The following SLC4A2 variants were observed in gnomAD, a reference collection of about 807,000 sequenced individuals.
SLC4A2 encodes solute carrier family 4 member 2.
SLC4A2 carries 36 observed loss-of-function variants against 115.0 expected under a neutral mutation model. The ratio of observed to expected loss-of-function variants is 0.31; its 90% CI spans 0.24 to 0.41. The LOEUF (loss-of-function observed/expected upper bound fraction) is 0.41, where lower values mean the gene tolerates loss of function less well. SLC4A2 is among the 10% of genes least tolerant of loss of function. The probability of loss-of-function intolerance (pLI) is 1.00; values close to 1 mark genes in which losing one functional copy is unlikely to be tolerated. For missense variants in SLC4A2, 1,252 were observed against 1,705.6 expected (o/e 0.73, Z 4.68); for synonymous variants, 708 against 708.3 (o/e 1.00, Z 0.01).
intron 16 of SLC4A2, 63 bp downstream of exon 16, chr7:151,072,199 T>C (rs1184933747): frequency 1.4e-6 from 2 of 1,455,254 alleles, no homozygotes; most frequent in African/African-American, 2.8e-5. Flanking sequence ...GGAGGGAGTC[T>C]CTTGGTCCCA....
chr7:151,071,465 G>A lies in SLC4A2; in HGVS notation c.2051G>A (p.Gly684Glu). The A allele has an allele frequency of 6.2e-7, 1 of 1,610,922 alleles. No homozygotes were observed. Among genetic ancestry groups the A allele is most frequent in the Non-Finnish European group, 8.5e-7 (1 of 1,179,898 alleles). ...CGGCGGACGGGGCGGCCCTTTGGGG[G>A]GCTGATCCGAGATGTGCGGCGCCGC... ...PLRRTGRPFG[G>E]LIRDVRRRYP... The change falls in exon 14 of 23, where the codon GGG becomes GAG. Residue 684 changes from glycine (G) to glutamate (E), a missense_variant. Around this residue, in one of 14 missense-constraint regions of SLC4A2, gnomAD observed 122 missense variants for 116.8 expected, o/e 1.04. Transcript: ENST00000413384. The surrounding 1 kb of genome is among the most constrained non-coding windows in gnomAD (Gnocchi z 5.5).
intron 8 of SLC4A2, among the ~76,000 whole-genome samples, chr7:151,068,489 A>G (rs1294739963): frequency 6.6e-6 from 1 of 152,028 alleles, no homozygotes; most frequent in Non-Finnish European, 1.5e-5. Flanking sequence ...TAAGCAGCTG[A>G]GGTTCTGTGG....
chr7:151,076,010 C>A lies in SLC4A2; in HGVS notation c.3472-3C>A. On this transcript the variant is annotated splice_polypyrimidine_tract_variant and splice_region_variant and intron_variant, in intron 21 of 22. Coordinates refer to ENST00000413384, the MANE Select transcript of SLC4A2 (RefSeq NM_003040.4). ...GCTGGGCTCACCTGTCTCCGCCCCCCAGGTCCGGACCCTCCGTATGCACCT... is the reference window on the plus strand; with the variant it reads ...GCTGGGCTCACCTGTCTCCGCCCCCAAGGTCCGGACCCTCCGTATGCACCT... 1 of 1,582,266 alleles carries A rather than the reference C, an allele frequency of 6.3e-7. No individual in the cohort carries two copies. Among genetic ancestry groups the A allele is most frequent in the Non-Finnish European group, 8.6e-7 (1 of 1,162,982 alleles).
In SLC4A2 at chr7:151,071,099, G is replaced by A. The variant is rs1422397171; in HGVS notation, c.1777G>A (p.Asp593Asn). ...KQFHEAAYLA[D>N]EREDLLTAIN... ...ATTCCACGAGGCAGCCTACCTGGCT[G>A]ACGAGCGGGAGGACCTGCTGACGGC... The change falls in exon 13 of 23, where the codon GAC becomes AAC. Residue 593 changes from aspartate to asparagine, a missense_variant. Coordinates refer to ENST00000413384, the MANE Select transcript of SLC4A2 (RefSeq NM_003040.4). The surrounding 1 kb of genome is among the most constrained non-coding windows in gnomAD (Gnocchi z 5.5). 3.1e-6 allele frequency: 5 copies of A among 1,612,500 alleles called. No homozygotes were observed. The Admixed American group carries it at 8.3e-5, about 27-fold the overall frequency.
At chr7:151,067,319 C>T (rs2150371015) in intron 7 of SLC4A2, among the ~76,000 whole-genome samples, 2 of 152,312 alleles carry the variant, frequency 1.3e-5, no homozygotes, top group Admixed American at 1.3e-4. Flanking sequence ...CTCCTAGCCT[C>T]TAGGAATCCG....
intron 2 of SLC4A2, chr7:151,063,182 T>A: frequency 9.3e-7 from 1 of 1,079,872 alleles, no homozygotes; most frequent in Non-Finnish European, 1.2e-6. Flanking sequence ...GCCCGCAGGA[T>A]GACTCAGGTG....
upstream of SLC4A2, chr7:151,058,899 C>T (rs1201524482): frequency 6.6e-6 from 1 of 152,238 alleles, no homozygotes; most frequent in Admixed American, 6.5e-5. Flanking sequence ...AGCACCGGAA[C>T]CAGAGTTGCT....
chr7:151,070,129 C>A, intron 9 of SLC4A2, 47 bp downstream of exon 9: 1 of 1,614,058 alleles, frequency 6.2e-7, no homozygotes, highest in East Asian at 2.2e-5. Flanking sequence ...GCCCACCTGC[C>A]CTGGCCCTTG....
At position 151,071,906 on chromosome 7, in the gene SLC4A2, A is replaced by C; in HGVS notation, c.2341-36A>C. Reference sequence around the variant, plus strand: ...CTAGACACCTCCCCACAGCATCCCCACCCAGAGCTCAGGACCTGACTGCCC... The same window carrying C: ...CTAGACACCTCCCCACAGCATCCCCCCCCAGAGCTCAGGACCTGACTGCCC... On this transcript the variant is annotated intron_variant, in intron 15 of 22. Transcript: ENST00000413384. The surrounding 1 kb of genome is among the most constrained non-coding windows in gnomAD (Gnocchi z 5.5). 1 of 1,607,400 alleles carries C rather than the reference A, an allele frequency of 6.2e-7. No individual in the cohort carries two copies. The highest frequency in any genetic ancestry group is 8.5e-7 in the Non-Finnish European group (1 of 1,175,718).
chr7:151,064,661 C>T lies in SLC4A2; in HGVS notation c.353C>T (p.Thr118Ile). 6.2e-7 allele frequency: 1 copy of T among 1,613,790 alleles called. No individual in the cohort carries two copies. The highest frequency in any genetic ancestry group is 8.5e-7 in the Non-Finnish European group (1 of 1,179,848). Residue 118 changes from threonine (T) to isoleucine (I), a missense_variant, in exon 4 of 23, where the codon ACC becomes ATC. Physicochemically the swap from Thr to Ile is moderately conservative, Grantham distance 89. Coordinates refer to ENST00000413384, the MANE Select transcript of SLC4A2 (RefSeq NM_003040.4). ...RRPGASPTGETPTIEEGEEDE... is the reference protein window; with the variant it reads ...RRPGASPTGEIPTIEEGEEDE... ...CCGGGAGCCTCCCCGACTGGAGAAACCCCGACCATTGAGGAGGGGGAGGAA... is the reference window on the plus strand; with the variant it reads ...CCGGGAGCCTCCCCGACTGGAGAAATCCCGACCATTGAGGAGGGGGAGGAA...
At chr7:151,061,595 A>C (rs1299613032) in intron 1 of SLC4A2, 4 of 196,796 alleles carry the variant, frequency 2.0e-5, no homozygotes, top group African/African-American at 2.4e-5. Flanking sequence ...GCTCATTATC[A>C]CTCCCTCCCT....
Position 151,068,005 on chromosome 7 carries a change from C to A in SLC4A2, c.1098C>A (p.Ala366=). The A allele has an allele frequency of 6.3e-7, 1 of 1,592,780 alleles. No homozygotes were observed. Among genetic ancestry groups the A allele is most frequent in the Admixed American group, 1.8e-5 (1 of 54,234 alleles). Residue 366 remains alanine, a synonymous_variant, in exon 8 of 23, where the codon GCC becomes GCA. Coordinates refer to ENST00000413384, the MANE Select transcript of SLC4A2 (RefSeq NM_003040.4). Reference sequence around the variant, plus strand: ...AGCGCTGGGGGAAGCCCCACGTGGCCTCCCTCTCCTTCCGCAGTCTCCTGG... The same window carrying A: ...AGCGCTGGGGGAAGCCCCACGTGGCATCCCTCTCCTTCCGCAGTCTCCTGG... ...ETERWGKPHV[A]SLSFRSLLEL...
Position 151,071,532 on chromosome 7 carries a change from T to G in SLC4A2, c.2118T>G (p.Pro706=). 1 of 1,613,928 alleles carries G rather than the reference T, an allele frequency of 6.2e-7. No individual in the cohort carries two copies. The highest frequency in any genetic ancestry group is 8.5e-7 in the Non-Finnish European group (1 of 1,179,964). The part of the protein sequence containing the change: ...YLSDFRDALD[P]QCLAAVIFIY... ...GTGACTTCCGAGATGCACTTGACCC[T>G]CAGTGCCTGGCCGCAGTCATCTTCA... Residue 706 remains proline (P), a synonymous_variant, in exon 14 of 23, where the codon CCT becomes CCG. Coordinates refer to ENST00000413384, the MANE Select transcript of SLC4A2 (RefSeq NM_003040.4). This position sits in a 1 kb window ranked among gnomAD's most constrained non-coding sequence, Gnocchi z 5.5.
In SLC4A2 at chr7:151,070,707, C is replaced by T. The variant is rs200102100; in HGVS notation, c.1565-20C>T. Reference sequence around the variant, plus strand: ...GGTCCTGCTGCTCTGCTCTTGCCCACGATGGTCCCACGCCCCTAGGCTGCG... The same window carrying T: ...GGTCCTGCTGCTCTGCTCTTGCCCATGATGGTCCCACGCCCCTAGGCTGCG... On this transcript the variant is annotated intron_variant, in intron 11 of 22. Transcript: ENST00000413384. 136 of 1,611,248 alleles carry T rather than the reference C, an allele frequency of 8.4e-5. No individual in the cohort carries two copies. The highest frequency in any genetic ancestry group is 1.1e-4 in the Non-Finnish European group (129 of 1,179,352).
chr7:151,062,823 C>A, intron 2 of SLC4A2: 1 of 1,369,898 alleles, frequency 7.3e-7, no homozygotes, highest in Non-Finnish European at 9.4e-7. Context: ...GAGAAGCCAG[C>A]CCCCTGGCCC....
chr7:151,071,965 G>A lies in SLC4A2; in HGVS notation c.2364G>A (p.Glu788=). Residue 788 remains glutamate, a synonymous_variant, in exon 16 of 23, where the codon GAG becomes GAA. Coordinates refer to ENST00000413384, the MANE Select transcript of SLC4A2 (RefSeq NM_003040.4). This position sits in a 1 kb window ranked among gnomAD's most constrained non-coding sequence, Gnocchi z 5.5. ...AGTTCTGTAGCAGCAACCACCTGGA[G>A]TACCTGGTGGGCCGTGTGTGGATCG... ...FFSFCSSNHL[E]YLVGRVWIGF... 1 of 1,614,076 alleles carries A rather than the reference G, an allele frequency of 6.2e-7. No individual in the cohort carries two copies. The highest frequency in any genetic ancestry group is 1.3e-5 in the African/African-American group (1 of 75,010).
intron 2 of SLC4A2, among the ~76,000 whole-genome samples, 173 bp downstream of exon 2, chr7:151,062,211 G>T (rs1433470706): frequency 2.0e-5 from 3 of 152,174 alleles, no homozygotes; most frequent in East Asian, 3.9e-4. Context: ...GGGATGGGTA[G>T]TGGGGGTATC....
In SLC4A2 at chr7:151,070,914, C is replaced by T. The variant is rs1320414761; in HGVS notation, c.1749+3C>T. 6.2e-7 allele frequency: 1 copy of T among 1,612,014 alleles called. No homozygotes were observed. The highest frequency in any genetic ancestry group is 2.2e-5 in the East Asian group (1 of 44,880). On this transcript the variant is annotated splice_donor_region_variant and intron_variant, in intron 12 of 22. Transcript: ENST00000413384. The stretch of plus-strand genomic sequence containing the variant: ...TCTCCACCCTCATGTCAGACAAGGT[C>T]AGCTACCCTCCTCCTCTGGGCCCTG...
chr7:151,067,907 A>G lies in SLC4A2; in HGVS notation c.1000A>G (p.Lys334Glu), dbSNP rs768254065. The change falls in exon 8 of 23, where the codon AAA (lysine) becomes GAA (glutamate). Residue 334 changes from lysine (K) to glutamate (E), a missense_variant. Physicochemically the swap from Lys to Glu is moderately conservative, Grantham distance 56. Coordinates refer to ENST00000413384, the MANE Select transcript of SLC4A2 (RefSeq NM_003040.4). ...GGAGCTGAATGAGTTGCTCCTGGACAAAAACCAGGAGCCCCAGTGGCGGGA... is the reference window on the plus strand; with the variant it reads ...GGAGCTGAATGAGTTGCTCCTGGACGAAAACCAGGAGCCCCAGTGGCGGGA... The part of the protein sequence containing the change: ...FVELNELLLD[K>E]NQEPQWRETA... 4 of 1,611,524 alleles carry G rather than the reference A, an allele frequency of 2.5e-6. No homozygotes were observed. The Admixed American group carries it at 5.1e-5, about 20-fold the overall frequency.
Sources: allele counts gnomAD v4.1 joint callset (sites outside exome capture counted in the v4.1 genomes callset), GRCh38; gene constraint gnomAD v4.1.1; regional missense constraint gnomAD v4.1.1; non-coding constraint Gnocchi (gnomAD v3.1); transcripts MANE v1.5; gene names NCBI Gene and HGNC (gene_info 2026-07-23, HGNC 2026-07-21).